FBXO16: variants seen among roughly 807,000 people sequenced by gnomAD.
The protein encoded by FBXO16 is F-box only protein 16.
In FBXO16, 31 loss-of-function variants were observed where a neutral mutation model predicts 41.0. The ratio of observed to expected loss-of-function variants is 0.76; its 90% CI spans 0.57 to 1.02. The LOEUF is 1.02. Ranked by LOEUF, FBXO16 falls within the 50% of genes least tolerant of loss-of-function variation. FBXO16 has a pLI of 0.00. For missense variants in FBXO16, 361 were observed against 346.2 expected (o/e 1.04, Z -0.34); for synonymous variants, 133 against 117.8 (o/e 1.13, Z -0.84).
intron 6 of FBXO16, chr8:28,449,039 G>T (rs917938770): frequency 2.6e-5 from 4 of 152,188 alleles, no homozygotes; most frequent in African/African-American, 9.7e-5. Context: ...GATGTGCGTT[G>T]TGACGGAAGT....
At chr8:28,474,924 T>G (rs1177508214) in intron 2 of FBXO16, among the ~76,000 whole-genome samples, 1 of 152,194 alleles carries the variant, frequency 6.6e-6, no homozygotes, top group African/African-American at 2.4e-5. Context: ...TCAGTGCATA[T>G]GTATATTTCA....
chr8:28,483,247 A>G (rs543247554), intron 2 of FBXO16, 101 bp downstream of exon 2: 1 of 1,096,886 alleles, frequency 9.1e-7, no homozygotes, highest in African/African-American at 1.6e-5. Context: ...TCCATTACAC[A>G]ATCTTAAATA....
intron 8 of FBXO16, 67 bp from the exon 9 acceptor site, chr8:28,428,803 C>T (rs1331736866): frequency 7.0e-7 from 1 of 1,430,980 alleles, no homozygotes; most frequent in Non-Finnish European, 9.2e-7. Flanking sequence ...TCTAGTTAAA[C>T]TTATTTTTAA....
At chr8:28,441,950 T>A (rs1408406604) in intron 7 of FBXO16, among the ~76,000 whole-genome samples, 121 of 130,120 alleles carry the variant, frequency 9.3e-4, no homozygotes, top group African/African-American at 3.9e-3. Context: ...GTGTGTATTT[T>A]TTTTTTTTTT....
At chr8:28,473,643 C>T (rs2130181071) in intron 3 of FBXO16, 129 bp downstream of exon 3, 3 of 805,714 alleles carry the variant, frequency 3.7e-6, no homozygotes, top group Non-Finnish European at 4.1e-6. Context: ...GGGTTTTTTT[C>T]TTTCTATCCA....
chr8:28,482,950 T>G (rs1203898037), intron 2 of FBXO16, among the ~76,000 whole-genome samples: 1 of 152,134 alleles, frequency 6.6e-6, no homozygotes, highest in Non-Finnish European at 1.5e-5. Context: ...TTTATGTATC[T>G]TATTAAATGT....
chr8:28,475,302 T>C (rs1654010738), intron 2 of FBXO16, among the ~76,000 whole-genome samples: 1 of 152,228 alleles, frequency 6.6e-6, no homozygotes, highest in African/African-American at 2.4e-5. Flanking sequence ...ACCACCACTT[T>C]GGGACCAGTG....
chr8:28,434,128 T>C (rs1286730082), intron 7 of FBXO16, among the ~76,000 whole-genome samples: 1 of 152,006 alleles, frequency 6.6e-6, no homozygotes, highest in Non-Finnish European at 1.5e-5. Flanking sequence ...ACCCAACTAA[T>C]TTTTGTATTT....
At chr8:28,480,730 C>G (rs900945038) in intron 2 of FBXO16, among the ~76,000 whole-genome samples, 3 of 152,120 alleles carry the variant, frequency 2.0e-5, no homozygotes, top group Non-Finnish European at 4.4e-5. Context: ...GTCTTGAATT[C>G]CTGACCTCAG....
intron 6 of FBXO16, among the ~76,000 whole-genome samples, chr8:28,448,340 CAA>C (rs56323338): frequency 4.0e-4 from 20 of 49,900 alleles, no homozygotes; most frequent in Admixed American, 1.5e-3. Flanking sequence ...GACCCTAAAT[CAA>C]AAAAAAAAAA....
chr8:28,429,252 A>T, intron 8 of FBXO16, 126 bp downstream of exon 8: 1 of 1,056,502 alleles, frequency 9.5e-7, no homozygotes, highest in Non-Finnish European at 1.4e-6. Flanking sequence ...CAAAGTGCTG[A>T]GATTATCAGC....
chr8:28,441,650 C>G (rs1025902734), intron 7 of FBXO16, among the ~76,000 whole-genome samples: 1 of 150,122 alleles, frequency 6.7e-6, no homozygotes. Context: ...GCAGGAGAAT[C>G]GCTTGAACCT....
intron 4 of FBXO16, among the ~76,000 whole-genome samples, 169 bp from the exon 5 acceptor site, chr8:28,457,099 C>T (rs1803052185): frequency 6.6e-6 from 1 of 152,120 alleles, no homozygotes; most frequent in African/African-American, 2.4e-5. Context: ...TGTTTCCTAC[C>T]CAGGCAGATT....
intron 4 of FBXO16, among the ~76,000 whole-genome samples, chr8:28,460,857 C>A (rs1156612888): frequency 6.6e-6 from 1 of 152,108 alleles, no homozygotes; most frequent in Non-Finnish European, 1.5e-5. Context: ...ACCTCAGCCT[C>A]CCGAGTAGTT....
chr8:28,483,527 T>TACTAATAC, intron 1 of FBXO16, 65 bp from the exon 2 acceptor site: 1 of 1,224,116 alleles, frequency 8.2e-7, no homozygotes, highest in Non-Finnish European at 1.2e-6. Flanking sequence ...AAACAAAAAT[T>TACTAATAC]ACTAATACCA....
At chr8:28,449,969 C>CAAAA (rs146418264) in intron 6 of FBXO16, among the ~76,000 whole-genome samples, 2 of 100,944 alleles carry the variant, frequency 2.0e-5, no homozygotes, top group African/African-American at 7.2e-5. Flanking sequence ...AAGACTGTCT[C>CAAAA]AAAAAAAAAA....
chr8:28,464,779 G>A (rs1042830391), intron 3 of FBXO16, among the ~76,000 whole-genome samples: 4 of 151,864 alleles, frequency 2.6e-5, no homozygotes, highest in Admixed American at 1.3e-4. Flanking sequence ...TCAGCCTCCC[G>A]AGTAGCTGGG....
intron 3 of FBXO16, among the ~76,000 whole-genome samples, chr8:28,470,769 TA>T (rs1196169568): frequency 4.6e-5 from 7 of 152,236 alleles, no homozygotes; most frequent in Non-Finnish European, 1.0e-4. Context: ...ATTAGCCCAT[TA>T]TTCTGTAGGG....
At chr8:28,474,941 G>A (rs1003248226) in intron 2 of FBXO16, among the ~76,000 whole-genome samples, 28 of 152,320 alleles carry the variant, frequency 1.8e-4, no homozygotes, top group African/African-American at 6.3e-4. Flanking sequence ...TTCAGTGAGT[G>A]AGGAAAGGAA....
Sources: gnomAD v4.1 joint callset for allele counts (sites outside exome capture counted in the v4.1 genomes callset) on GRCh38, gnomAD v4.1.1 for gene constraint, MANE v1.5 for transcripts, NCBI Gene and HGNC (gene_info 2026-07-23, HGNC 2026-07-21) for gene names.